Variants in TPRG1 observed in about 807,000 individuals in gnomAD.
TPRG1 encodes tumor protein p63 regulated 1.
A neutral mutation model predicts 29.3 loss-of-function variants in TPRG1; 29 were observed. That is an observed-to-expected ratio of 0.99 (90% CI 0.74 to 1.35). The LOEUF (loss-of-function observed/expected upper bound fraction) is 1.35, where lower values mean the gene tolerates loss of function less well. Among genes scored for constraint, TPRG1 ranks in the 40% most tolerant of loss-of-function variants. The pLI, the probability that TPRG1 is intolerant of heterozygous loss-of-function variation, is 0.00. For missense variants in TPRG1, 327 were observed against 335.0 expected (o/e 0.98, Z 0.19); for synonymous variants, 130 against 116.8 (o/e 1.11, Z -0.73).
At chr3:189,279,924 CT>C (rs1316144851) in intron 4 of TPRG1, among the ~76,000 whole-genome samples, 1 of 152,086 alleles carries the variant, frequency 6.6e-6, no homozygotes, top group African/African-American at 2.4e-5. Context: ...GAATGTAGTC[CT>C]TCAGATAGGC....
chr3:189,293,510 C>A (rs1224041186), intron 4 of TPRG1, among the ~76,000 whole-genome samples: 1 of 151,964 alleles, frequency 6.6e-6, no homozygotes, highest in Non-Finnish European at 1.5e-5. Context: ...GGTTTCCTAC[C>A]CCACAGATTC....
intron 1 of TPRG1, among the ~76,000 whole-genome samples, chr3:189,186,763 A>T (rs1560526785): frequency 6.6e-6 from 1 of 152,064 alleles, no homozygotes; most frequent in South Asian, 2.1e-4. Context: ...TATGAAAAAA[A>T]AAAAGATAGC....
intron 3 of TPRG1, among the ~76,000 whole-genome samples, chr3:189,227,462 T>A (rs541065241): frequency 6.6e-6 from 1 of 152,340 alleles, no homozygotes; most frequent in East Asian, 1.9e-4. Context: ...CTGAACTGAA[T>A]TTTTCTTCTC....
intron 4 of TPRG1, among the ~76,000 whole-genome samples, chr3:189,246,686 C>T (rs1427863321): frequency 2.0e-5 from 3 of 152,060 alleles, no homozygotes; most frequent in Admixed American, 6.6e-5. Flanking sequence ...AGTGGTGATA[C>T]ATTCTCCTAG....
chr3:189,231,813 A>G (rs977883461), intron 3 of TPRG1, among the ~76,000 whole-genome samples: 1 of 152,172 alleles, frequency 6.6e-6, no homozygotes, highest in African/African-American at 2.4e-5. Flanking sequence ...ATATGTGCAT[A>G]GCTACTAGCA....
intron 5 of TPRG1, among the ~76,000 whole-genome samples, chr3:189,152,434 T>C (rs897277454): frequency 1.3e-5 from 2 of 152,182 alleles, no homozygotes; most frequent in Admixed American, 1.3e-4. Flanking sequence ...GAAGGGTACA[T>C]GTGGACGGTT....
intron 4 of TPRG1, among the ~76,000 whole-genome samples, chr3:189,074,725 T>G (rs1316619304): frequency 6.6e-6 from 1 of 152,242 alleles, no homozygotes; most frequent in African/African-American, 2.4e-5. Flanking sequence ...TTAATTATGC[T>G]TTTTAAAATA....
At chr3:189,199,828 T>C (rs1733160488) in intron 1 of TPRG1, among the ~76,000 whole-genome samples, 1 of 152,034 alleles carries the variant, frequency 6.6e-6, no homozygotes, top group African/African-American at 2.4e-5. Flanking sequence ...TGCAGTGAGC[T>C]GAGATCACGC....
chr3:189,269,238 A>C (rs1233058084), intron 4 of TPRG1, among the ~76,000 whole-genome samples: 1 of 152,198 alleles, frequency 6.6e-6, no homozygotes, highest in Non-Finnish European at 1.5e-5. Flanking sequence ...CTCCAGTAAA[A>C]ATCCATCCTA....
intron 3 of TPRG1, among the ~76,000 whole-genome samples, chr3:189,218,650 A>C (rs1266157256): frequency 6.6e-6 from 1 of 152,220 alleles, no homozygotes; most frequent in Non-Finnish European, 1.5e-5. Context: ...TTAGCTTCAC[A>C]ACTTTGTTGG....
At chr3:189,151,461 G>T (rs1725921709) in intron 5 of TPRG1, among the ~76,000 whole-genome samples, 1 of 152,010 alleles carries the variant, frequency 6.6e-6, no homozygotes, top group African/African-American at 2.4e-5. Flanking sequence ...TCGTTGTAAG[G>T]TATTACTTTG....
intron 4 of TPRG1, among the ~76,000 whole-genome samples, chr3:189,084,485 T>C (rs541940274): frequency 6.6e-6 from 1 of 152,354 alleles, no homozygotes; most frequent in East Asian, 1.9e-4. Context: ...CATGTTTCTT[T>C]TCCTCTGACA....
chr3:189,241,748 G>C (rs1452496864), intron 4 of TPRG1, among the ~76,000 whole-genome samples: 1 of 152,102 alleles, frequency 6.6e-6, no homozygotes, highest in Non-Finnish European at 1.5e-5. Context: ...TAATGAATAA[G>C]TCTCATGAGA....
chr3:189,240,994 G>A (rs1740483438), intron 4 of TPRG1, among the ~76,000 whole-genome samples: 1 of 151,962 alleles, frequency 6.6e-6, no homozygotes, highest in Non-Finnish European at 1.5e-5. Flanking sequence ...AATCTATTTA[G>A]CCAGTCCCTC....
chr3:189,294,914 A>G (rs1047237325), intron 4 of TPRG1, among the ~76,000 whole-genome samples: 2 of 152,152 alleles, frequency 1.3e-5, no homozygotes, highest in Admixed American at 1.3e-4. Flanking sequence ...CAGGTTTGTT[A>G]CATATGTATA....
upstream of TPRG1, among the ~76,000 whole-genome samples, chr3:189,168,490 C>G (rs866821856): frequency 5.3e-5 from 8 of 152,252 alleles, no homozygotes; most frequent in East Asian, 1.9e-4. Flanking sequence ...AAGTAGGTAT[C>G]TTTTGAGTAC....
intron 4 of TPRG1, among the ~76,000 whole-genome samples, chr3:189,276,278 T>C (rs1716128394): frequency 6.6e-6 from 1 of 151,990 alleles, no homozygotes; most frequent in South Asian, 2.1e-4. Context: ...AGATCTTGAT[T>C]TGGTGCTGGA....
intron 4 of TPRG1, among the ~76,000 whole-genome samples, chr3:189,061,034 A>C (rs112568449): frequency 0.016 from 2,505 of 152,250 alleles, 79 homozygotes; most frequent in African/African-American, 0.058. Flanking sequence ...CACATTACCC[A>C]ACTTCAAATT....
intron 3 of TPRG1, among the ~76,000 whole-genome samples, chr3:189,006,297 C>T (rs1459726932): frequency 6.6e-6 from 1 of 152,006 alleles, no homozygotes; most frequent in Non-Finnish European, 1.5e-5. Context: ...CTACTTATCT[C>T]CCAGGAGGAT....
Sources: gnomAD v4.1 joint callset for allele counts (sites outside exome capture counted in the v4.1 genomes callset) on GRCh38, gnomAD v4.1.1 for gene constraint, MANE v1.5 for transcripts, NCBI Gene and HGNC (gene_info 2026-07-23, HGNC 2026-07-21) for gene names.